SKIC3: variants seen among roughly 807,000 people sequenced by gnomAD.
SKIC3 encodes the protein SKI3 subunit of superkiller complex.
chr5:95,522,158 AAC>A, the SKIC3 span: 3 of 1,613,856 alleles, frequency 1.9e-6, no homozygotes, highest in Non-Finnish European at 2.5e-6. Flanking sequence ...TGCAACCTTA[AAC>A]ACACTGTATA....
the SKIC3 span, among the ~76,000 whole-genome samples, chr5:95,539,506 A>C: frequency 6.6e-6 from 1 of 152,182 alleles, no homozygotes; most frequent in African/African-American, 2.4e-5. Context: ...TGGGAGTGTA[A>C]ACTAGTACAA....
the SKIC3 span, among the ~76,000 whole-genome samples, chr5:95,505,653 A>C: frequency 6.6e-6 from 1 of 152,062 alleles, no homozygotes; most frequent in Non-Finnish European, 1.5e-5. Flanking sequence ...CTCTACTAAA[A>C]ATACAAAAAA....
chr5:95,535,156 G>A, the SKIC3 span, among the ~76,000 whole-genome samples: 1 of 152,008 alleles, frequency 6.6e-6, no homozygotes, highest in Non-Finnish European at 1.5e-5. Context: ...CACCATGTTA[G>A]TTTAAGACTT....
the SKIC3 span, chr5:95,524,338 T>C: frequency 2.9e-6 from 4 of 1,364,084 alleles, no homozygotes; most frequent in Non-Finnish European, 4.0e-6. Flanking sequence ...TCACAAAACC[T>C]GACATATGAA....
the SKIC3 span, chr5:95,507,059 T>C: frequency 1.3e-6 from 2 of 1,533,632 alleles, no homozygotes; most frequent in Non-Finnish European, 1.8e-6. Context: ...AATAGCATTC[T>C]GTTACCTTCC....
At chr5:95,478,598 G>C in the SKIC3 span, among the ~76,000 whole-genome samples, 1 of 152,072 alleles carries the variant, frequency 6.6e-6, no homozygotes, top group East Asian at 1.9e-4. Context: ...GGTCAAAAAA[G>C]GGCTGTCATA....
the SKIC3 span, chr5:95,516,489 T>C: frequency 2.5e-6 from 4 of 1,612,862 alleles, no homozygotes; most frequent in South Asian, 4.4e-5. Context: ...ATACTAAATT[T>C]TGAAGTTCTT....
the SKIC3 span, among the ~76,000 whole-genome samples, chr5:95,508,856 A>AT: frequency 6.6e-6 from 1 of 152,250 alleles, no homozygotes; most frequent in Admixed American, 6.5e-5. Context: ...TACATAGTAG[A>AT]TATTAAAGTC....
the SKIC3 span, chr5:95,469,963 A>C: frequency 6.3e-7 from 1 of 1,597,640 alleles, no homozygotes; most frequent in South Asian, 1.1e-5. Flanking sequence ...ATTTATTTGA[A>C]AAGTATTCAA....
the SKIC3 span, among the ~76,000 whole-genome samples, chr5:95,492,692 A>AAAAAAAAAG: frequency 7.6e-6 from 1 of 131,468 alleles, no homozygotes; most frequent in Non-Finnish European, 1.6e-5. Context: ...AAAAAAAACA[A>AAAAAAAAAG]GACAACTAAA....
the SKIC3 span, chr5:95,509,772 A>C: frequency 1.2e-6 from 1 of 851,554 alleles, no homozygotes; most frequent in South Asian, 1.4e-5. Flanking sequence ...AGTATCTTAA[A>C]TATCAGATTA....
chr5:95,527,514 A>G, the SKIC3 span, among the ~76,000 whole-genome samples: 2 of 152,230 alleles, frequency 1.3e-5, no homozygotes, highest in South Asian at 2.1e-4. Context: ...GCTATAATTC[A>G]TAATTTACCA....
chr5:95,520,201 A>G, the SKIC3 span, among the ~76,000 whole-genome samples: 21 of 151,858 alleles, frequency 1.4e-4, no homozygotes, highest in Admixed American at 1.4e-3. Context: ...AATCTACTCA[A>G]AATTTTCTGA....
At chr5:95,545,297 A>G in the SKIC3 span, among the ~76,000 whole-genome samples, 2 of 152,086 alleles carry the variant, frequency 1.3e-5, no homozygotes, top group African/African-American at 4.8e-5. Flanking sequence ...GATTAATACT[A>G]TCACGTCCTT....
chr5:95,530,336 C>A, the SKIC3 span: 1 of 1,235,596 alleles, frequency 8.1e-7, no homozygotes, highest in Admixed American at 2.0e-5. Flanking sequence ...ATGCATTCTT[C>A]ACCACATGCT....
chr5:95,500,728 G>T, the SKIC3 span, among the ~76,000 whole-genome samples: 1 of 152,226 alleles, frequency 6.6e-6, no homozygotes, highest in African/African-American at 2.4e-5. Flanking sequence ...TTTGTAGATG[G>T]CAATGTAGGA....
At chr5:95,516,424 A>T in the SKIC3 span, 1 of 1,612,724 alleles carries the variant, frequency 6.2e-7, no homozygotes. Flanking sequence ...AAAACATAAC[A>T]TTTTTTTTCT....
At chr5:95,548,053 T>C in the SKIC3 span, among the ~76,000 whole-genome samples, 34 of 152,102 alleles carry the variant, frequency 2.2e-4, no homozygotes, top group Non-Finnish European at 3.8e-4. Context: ...TTAAGATATA[T>C]TAATTTTAAA....
the SKIC3 span, chr5:95,524,717 C>G: frequency 8.1e-7 from 1 of 1,231,604 alleles, no homozygotes; most frequent in South Asian, 1.3e-5. Context: ...AATTAGAAAC[C>G]AATCATCACT....
Sources: allele counts gnomAD v4.1 joint callset (sites outside exome capture counted in the v4.1 genomes callset), GRCh38; gene constraint gnomAD v4.1.1; transcripts MANE v1.5; gene names NCBI Gene and HGNC (gene_info 2026-07-23, HGNC 2026-07-21).